TMPRSS6: variants seen among roughly 807,000 people sequenced by gnomAD.
TMPRSS6 encodes transmembrane protease serine 6.
TMPRSS6 carries 67 observed loss-of-function variants against 101.5 expected under a neutral mutation model. The ratio of observed to expected loss-of-function variants is 0.66; its 90% CI spans 0.54 to 0.81. The LOEUF (loss-of-function observed/expected upper bound fraction) is 0.81, where lower values mean the gene tolerates loss of function less well. Ranked by LOEUF, TMPRSS6 falls within the 30% of genes least tolerant of loss-of-function variation. TMPRSS6 has a pLI of 0.00. For synonymous variants in TMPRSS6, 453 were observed against 464.9 expected, an observed-to-expected ratio of 0.97 and a Z score of 0.33; for missense variants, 1,034 against 1,088.7, an observed-to-expected ratio of 0.95 and a Z score of 0.71.
chr22:37,078,142 G>A (rs530877349), intron 10 of TMPRSS6, among the ~76,000 whole-genome samples: 1 of 152,236 alleles, frequency 6.6e-6, no homozygotes, highest in Non-Finnish European at 1.5e-5. Flanking sequence ...TGCGGGGAAT[G>A]AGGAGTCAAG....
At chr22:37,108,359 G>A (rs149059265) in intron 1 of TMPRSS6, among the ~76,000 whole-genome samples, 4 of 152,270 alleles carry the variant, frequency 2.6e-5, no homozygotes, top group East Asian at 1.9e-4. Flanking sequence ...TAGAAGGGGC[G>A]GCTGCCCCTC....
intron 10 of TMPRSS6, chr22:37,083,099 G>T (rs1338522187): frequency 4.2e-6 from 2 of 470,758 alleles, no homozygotes; most frequent in Non-Finnish European, 8.8e-6. Flanking sequence ...GTGAAATCAA[G>T]AAATGACAAA....
In TMPRSS6 at chr22:37,089,707, C is replaced by T. The variant is rs763489601; in HGVS notation, c.707G>A (p.Cys236Tyr). The change falls in exon 7 of 18, where the codon TGC becomes TAC. Residue 236 changes from cysteine to tyrosine, a missense_variant. Physicochemically the swap from Cys to Tyr is radical, Grantham distance 194. Transcript: ENST00000676104. ...CTTGGGGCCCTGCAGGTGCCACAGG[C>T]AGCTGGAGGCCAGGTGGTCAGGCCC... Reference protein sequence around the residue: ...LKGPDHLASSCLWHLQGPKDL... With the variant: ...LKGPDHLASSYLWHLQGPKDL... 6.2e-7 allele frequency: 1 copy of T among 1,611,886 alleles called. No individual in the cohort carries two copies. The highest frequency in any genetic ancestry group is 1.1e-5 in the South Asian group (1 of 90,646).
rs1229866509 is a variant in TMPRSS6, at chr22:37,096,049, AT to A, written c.445del (p.Ile149SerfsTer7). The A allele has an allele frequency of 1.2e-6, 2 of 1,614,056 alleles. No individual in the cohort carries two copies. The highest frequency in any genetic ancestry group is 1.1e-5 in the South Asian group (1 of 91,062). ...CAGCATCAGCCGGCGGTGCTCGGGG[AT>A]TTGGAGAATGAACCAGAAGAAGCAG... ...LTCFFWFILQ[I>X]PEHRRLMLSP... On this transcript the variant is annotated frameshift_variant, in exon 5 of 18. Transcript: ENST00000676104. LOFTEE classifies it high-confidence loss of function.
chr22:37,084,957 T>G lies in TMPRSS6; in HGVS notation c.974-118A>C, dbSNP rs1230383529. ...CTGCCAGCAAATTGCTGTGGTTGAA[T>G]GTGATTGTGTGAATCTGGGTCTCAG... is the stretch of plus-strand genomic sequence containing the variant. On this transcript the variant is annotated intron_variant, in intron 8 of 17. Coordinates refer to ENST00000676104, the MANE Select transcript of TMPRSS6 (RefSeq NM_001374504.1). 20 of 752,234 alleles carry G rather than the reference T, an allele frequency of 2.7e-5. No individual in the cohort carries two copies. The East Asian group carries it at 5.1e-4, about 19-fold the overall frequency. 46.6% of individuals were successfully genotyped at this position (752,234 alleles called of 1,614,324 possible).
chr22:37,066,439 A>G (rs187862995), intron 17 of TMPRSS6, among the ~76,000 whole-genome samples: 1 of 152,146 alleles, frequency 6.6e-6, no homozygotes, highest in East Asian at 1.9e-4. Flanking sequence ...CCAGCCTGGG[A>G]CCTCCTGGAA....
In TMPRSS6 at chr22:37,070,665, G is replaced by A. The variant is rs1223881271; in HGVS notation, c.1673-13C>T. The A allele has an allele frequency of 1.9e-6, 3 of 1,611,888 alleles. No individual in the cohort carries two copies. The highest frequency in any genetic ancestry group is 2.7e-5 in the African/African-American group (2 of 74,904). Reference sequence around the variant, plus strand: ...TGGAGGCCACAGTCTGGGGATGGGGGCAGGTGGTGGGGTGGACAGAGGAGG... The same window carrying A: ...TGGAGGCCACAGTCTGGGGATGGGGACAGGTGGTGGGGTGGACAGAGGAGG... On this transcript the variant is annotated splice_polypyrimidine_tract_variant and intron_variant, in intron 14 of 17. Coordinates refer to ENST00000676104, the MANE Select transcript of TMPRSS6 (RefSeq NM_001374504.1).
At chr22:37,102,912 G>C (rs1039342940) in intron 2 of TMPRSS6, among the ~76,000 whole-genome samples, 1 of 152,090 alleles carries the variant, frequency 6.6e-6, no homozygotes, top group African/African-American at 2.4e-5. Flanking sequence ...TGCTCTGTGG[G>C]CTGGCTGGCT....
intron 10 of TMPRSS6, among the ~76,000 whole-genome samples, chr22:37,078,484 T>C (rs1366157228): frequency 6.6e-6 from 1 of 151,970 alleles, no homozygotes; most frequent in Non-Finnish European, 1.5e-5. Context: ...GGAGCACGGG[T>C]AGAGGTGGTG....
chr22:37,068,845 G>A (rs1363703897), intron 16 of TMPRSS6, among the ~76,000 whole-genome samples: 6 of 152,236 alleles, frequency 3.9e-5, no homozygotes, highest in African/African-American at 7.2e-5. Context: ...CACACATAAC[G>A]CCCTTCCAGA....
At chr22:37,097,784 TG>T (rs1929920894) in intron 3 of TMPRSS6, among the ~76,000 whole-genome samples, 1 of 54,540 alleles carries the variant, frequency 1.8e-5, no homozygotes. Flanking sequence ...GGGGCAGGAG[TG>T]GGCCACCGTC....
chr22:37,089,127 C>T (rs1021087713), intron 7 of TMPRSS6, among the ~76,000 whole-genome samples: 9 of 152,144 alleles, frequency 5.9e-5, no homozygotes, highest in Non-Finnish European at 8.8e-5. Context: ...GGCACGAGGG[C>T]CCGGCAGTGA....
At chr22:37,083,910 T>G in intron 10 of TMPRSS6, 1 of 483,030 alleles carries the variant, frequency 2.1e-6, no homozygotes, top group East Asian at 3.1e-5. Context: ...CGCCTTGGGT[T>G]TAGAGGGAAG....
chr22:37,093,403 T>G (rs1929448063), intron 6 of TMPRSS6, among the ~76,000 whole-genome samples: 3 of 133,240 alleles, frequency 2.3e-5, no homozygotes, highest in Non-Finnish European at 3.2e-5. Context: ...TTTTTTTTTT[T>G]TTTTTTTTTG....
intron 15 of TMPRSS6, 102 bp downstream of exon 15, chr22:37,070,382 C>T: frequency 6.8e-7 from 1 of 1,471,922 alleles, no homozygotes; most frequent in South Asian, 1.2e-5. Flanking sequence ...GGGTCCACCA[C>T]CCTTCCCTCT....
rs750655957 is a variant in TMPRSS6, at chr22:37,084,290, G to T, written c.1196+5C>A. The T allele has an allele frequency of 6.2e-7, 1 of 1,606,366 alleles. No individual in the cohort carries two copies. The highest frequency in any genetic ancestry group is 8.5e-7 in the Non-Finnish European group (1 of 1,173,586). ...GGAAGCCAGAGGGAGGAGAGGAAGT[G>T]GTACCTCCTGTTCTGGATCGTCCAC... On this transcript the variant is annotated splice_donor_5th_base_variant and intron_variant, in intron 10 of 17. Transcript: ENST00000676104.
chr22:37,110,147 T>A (rs1313975519), upstream of TMPRSS6, among the ~76,000 whole-genome samples: 4 of 147,496 alleles, frequency 2.7e-5, no homozygotes, highest in Non-Finnish European at 6.0e-5. Flanking sequence ...CTTTTTTTTT[T>A]TTTTTTTTTT....
At chr22:37,084,132 T>C in intron 10 of TMPRSS6, 163 bp downstream of exon 10, 1 of 689,058 alleles carries the variant, frequency 1.5e-6, no homozygotes, top group South Asian at 1.7e-5. Flanking sequence ...GAGGACAAGG[T>C]CAAGGGCAAC....
In TMPRSS6 at chr22:37,093,762, C is replaced by T. The variant is rs183359988; in HGVS notation, c.631+1789G>A. Among the ~76,000 whole-genome samples, 398 of 151,570 alleles carry T rather than the reference C, an allele frequency of 2.6e-3. 11 individuals carry two copies. The highest frequency in any genetic ancestry group is 5.7e-4 in the Non-Finnish European group (39 of 67,882). On this transcript the variant is annotated intron_variant, in intron 6 of 17. Coordinates refer to ENST00000676104, the MANE Select transcript of TMPRSS6 (RefSeq NM_001374504.1). Reference sequence around the variant, plus strand: ...ATGGAGCCAGGCGTGGTGGCTCACACCTGTAATCCCAGCACTTTGGGAGGT... The same window carrying T: ...ATGGAGCCAGGCGTGGTGGCTCACATCTGTAATCCCAGCACTTTGGGAGGT...
Sources: allele counts gnomAD v4.1 joint callset (sites outside exome capture counted in the v4.1 genomes callset), GRCh38; gene constraint gnomAD v4.1.1; transcripts MANE v1.5; gene names NCBI Gene and HGNC (gene_info 2026-07-23, HGNC 2026-07-21).